The following PRKCB variants were observed in gnomAD, a reference collection of about 807,000 sequenced individuals.
PRKCB encodes the protein protein kinase C beta type.
A neutral mutation model predicts 81.5 loss-of-function variants in PRKCB; 13 were observed. The ratio of observed to expected loss-of-function variants is 0.16; its 90% CI spans 0.10 to 0.25. The LOEUF is 0.25. Ranked by LOEUF, PRKCB falls within the 10% of genes least tolerant of loss-of-function variation. PRKCB has a pLI of 1.00. For synonymous variants in PRKCB, 335 were observed against 321.4 expected (o/e 1.04, Z -0.45); for missense variants, 509 against 875.7 (o/e 0.58, Z 5.29).
chr16:24,033,789 T>G (rs1463070829), intron 4 of PRKCB, among the ~76,000 whole-genome samples: 3 of 151,626 alleles, frequency 2.0e-5, no homozygotes, highest in Non-Finnish European at 4.4e-5. Flanking sequence ...ATAAAATGAT[T>G]GGCATGGACA....
chr16:24,103,074 T>C (rs1243346410), intron 7 of PRKCB, among the ~76,000 whole-genome samples: 1 of 152,224 alleles, frequency 6.6e-6, no homozygotes, highest in Non-Finnish European at 1.5e-5. Flanking sequence ...GGTTTCACCA[T>C]GTTGGCCAGG....
chr16:23,931,873 A>G (rs776630078), intron 2 of PRKCB, among the ~76,000 whole-genome samples: 24 of 152,206 alleles, frequency 1.6e-4, no homozygotes, highest in Non-Finnish European at 3.1e-4. Context: ...ATCCGCACCC[A>G]ATGCTTTTCA....
At chr16:23,945,561 T>G (rs1370522928) in intron 2 of PRKCB, among the ~76,000 whole-genome samples, 3 of 152,024 alleles carry the variant, frequency 2.0e-5, no homozygotes, top group Non-Finnish European at 2.9e-5. Flanking sequence ...GTGGGCTTTC[T>G]TTGGGGTGGA....
chr16:24,104,857 T>C (rs141317320), intron 7 of PRKCB, among the ~76,000 whole-genome samples: 2 of 152,260 alleles, frequency 1.3e-5, no homozygotes, highest in Non-Finnish European at 2.9e-5. Context: ...TGGCGGATCC[T>C]GTCGGCCTTG....
At chr16:24,082,146 T>A (rs1212980085) in intron 5 of PRKCB, among the ~76,000 whole-genome samples, 2 of 152,138 alleles carry the variant, frequency 1.3e-5, no homozygotes, top group African/African-American at 4.8e-5. Flanking sequence ...TATTTAGGTA[T>A]AAATCTAACA....
At chr16:23,974,421 C>A (rs1407787594) in intron 2 of PRKCB, among the ~76,000 whole-genome samples, 1 of 152,044 alleles carries the variant, frequency 6.6e-6, no homozygotes, top group Non-Finnish European at 1.5e-5. Flanking sequence ...TAGGACAGAG[C>A]CTCGAGAACT....
At chr16:23,865,265 T>TGTGTGTGTGTG (rs1962751011) in intron 2 of PRKCB, among the ~76,000 whole-genome samples, 1 of 129,152 alleles carries the variant, frequency 7.7e-6, no homozygotes, top group African/African-American at 2.9e-5. Flanking sequence ...TCTGTTTTGT[T>TGTGTGTGTGTG]TGTGTGTGTG....
intron 5 of PRKCB, among the ~76,000 whole-genome samples, chr16:24,057,385 T>A (rs1405868133): frequency 6.6e-6 from 1 of 152,182 alleles, no homozygotes; most frequent in Non-Finnish European, 1.5e-5. Context: ...AAAATGCAGA[T>A]GTGATTGATT....
rs905307919 is a variant in PRKCB, at chr16:24,141,833, C to A, written c.1066-12851C>A. Among the ~76,000 whole-genome samples the A allele has an allele frequency of 2.0e-5, 3 of 152,134 alleles. No individual in the cohort carries two copies. The East Asian group carries it at 5.8e-4, about 29-fold the overall frequency. ...GTATGACCTTGCCTTTCACTCTGGG[C>A]TTTGTGTAAGGATCTCCCAGGACAT... On this transcript the variant is annotated intron_variant, in intron 9 of 16. Coordinates refer to ENST00000643927, the MANE Select transcript of PRKCB (RefSeq NM_002738.7).
chr16:24,090,682 G>T (rs2636956), intron 5 of PRKCB, among the ~76,000 whole-genome samples: 28 of 151,948 alleles, frequency 1.8e-4, no homozygotes, highest in Non-Finnish European at 3.2e-4. Context: ...ACGAATAGGG[G>T]AAGATTTATT....
chr16:23,873,204 A>AT (rs1450405494), intron 2 of PRKCB, among the ~76,000 whole-genome samples: 10,240 of 139,210 alleles, frequency 0.074, 660 homozygotes, highest in Middle Eastern at 0.12. Context: ...AAAAAAAAAA[A>AT]AAAAAGAAAA....
At chr16:24,202,397 T>C (rs1023420283) in intron 16 of PRKCB, among the ~76,000 whole-genome samples, 6 of 152,206 alleles carry the variant, frequency 3.9e-5, no homozygotes, top group African/African-American at 1.4e-4. Flanking sequence ...TCTCATTGAG[T>C]CATCAATGAC....
At chr16:23,937,748 C>T (rs1335692640) in intron 2 of PRKCB, among the ~76,000 whole-genome samples, 1 of 152,192 alleles carries the variant, frequency 6.6e-6, no homozygotes, top group East Asian at 1.9e-4. Flanking sequence ...CTCTCTTCTG[C>T]TCAAAATTAA....
intron 3 of PRKCB, among the ~76,000 whole-genome samples, chr16:24,019,205 T>C (rs1042242924): frequency 6.9e-6 from 1 of 145,644 alleles, no homozygotes; most frequent in Non-Finnish European, 1.5e-5. Context: ...CTGCCAGAGG[T>C]GTAATTAAGA....
chr16:23,947,657 A>G (rs973930276), intron 2 of PRKCB, among the ~76,000 whole-genome samples: 7 of 152,102 alleles, frequency 4.6e-5, no homozygotes, highest in African/African-American at 1.7e-4. Context: ...TATAGTCAGG[A>G]CAAGAGTTAG....
chr16:23,933,591 A>G (rs2141758813), intron 2 of PRKCB, among the ~76,000 whole-genome samples: 1 of 152,166 alleles, frequency 6.6e-6, no homozygotes, highest in African/African-American at 2.4e-5. Flanking sequence ...TATATTATAG[A>G]CTGGTTTGCA....
chr16:23,954,451 G>C (rs1379955967), intron 2 of PRKCB, among the ~76,000 whole-genome samples: 1 of 152,228 alleles, frequency 6.6e-6, no homozygotes, highest in Non-Finnish European at 1.5e-5. Context: ...GTCCTGGGAG[G>C]AACCTTCTAT....
chr16:23,914,335 A>G (rs1963706691), intron 2 of PRKCB, among the ~76,000 whole-genome samples: 2 of 152,308 alleles, frequency 1.3e-5, no homozygotes, highest in Admixed American at 6.5e-5. Context: ...CAGTGGGGCC[A>G]GTACAGCCCA....
At chr16:24,058,892 T>C (rs1459260637) in intron 5 of PRKCB, among the ~76,000 whole-genome samples, 2 of 152,030 alleles carry the variant, frequency 1.3e-5, no homozygotes, top group African/African-American at 2.4e-5. Flanking sequence ...GAGCTATTGA[T>C]CCCTGTAGGA....
Sources: allele counts gnomAD v4.1 joint callset (sites outside exome capture counted in the v4.1 genomes callset), GRCh38; gene constraint gnomAD v4.1.1; transcripts MANE v1.5; gene names NCBI Gene and HGNC (gene_info 2026-07-23, HGNC 2026-07-21).